UGT1A5: variants seen among roughly 807,000 people sequenced by gnomAD.
The protein encoded by UGT1A5 is UDP glucuronosyltransferase family 1 member A5.
In UGT1A5, 29 loss-of-function variants were observed where a neutral mutation model predicts 40.3. The ratio of observed to expected loss-of-function variants is 0.72; its 90% CI spans 0.54 to 0.98. UGT1A5 has a LOEUF of 0.98. Among genes scored for constraint, UGT1A5 ranks in the 50% least tolerant of loss-of-function variants. The pLI, the probability that UGT1A5 is intolerant of heterozygous loss-of-function variation, is 0.00. For missense variants in UGT1A5, 678 were observed against 677.9 expected (o/e 1.00, Z 0.00); for synonymous variants, 257 against 262.5 (o/e 0.98, Z 0.20).
chr2:233,755,285 A>G (rs1468695441), intron 1 of UGT1A5: 11 of 681,694 alleles, frequency 1.6e-5, no homozygotes, highest in Non-Finnish European at 2.3e-6. Context: ...ACTGCCAAAG[A>G]GCCTGCGGGG....
At chr2:233,748,157 C>A in intron 1 of UGT1A5, 2 of 1,600,820 alleles carry the variant, frequency 1.2e-6, no homozygotes, top group Non-Finnish European at 1.7e-6. Context: ...ACAATTGCTT[C>A]CATATCTACT....
At chr2:233,714,333 C>G (rs2076379859) in intron 1 of UGT1A5, among the ~76,000 whole-genome samples, 2 of 152,268 alleles carry the variant, frequency 1.3e-5, no homozygotes. Flanking sequence ...GAGACCTAAG[C>G]ACTCAGAGGA....
At chr2:233,730,677 T>C (rs1282265511) in intron 1 of UGT1A5, among the ~76,000 whole-genome samples, 2 of 152,094 alleles carry the variant, frequency 1.3e-5, no homozygotes, top group Non-Finnish European at 2.9e-5. Flanking sequence ...AAAGTAATGG[T>C]TGCATCTCAA....
rs376676972 is a variant in UGT1A5, at chr2:233,729,353, C to T, written c.867+15495C>T. On this transcript the variant is annotated intron_variant, in intron 1 of 4. Coordinates refer to ENST00000373414, the MANE Select transcript of UGT1A5 (RefSeq NM_019078.2). ...CACATCAAAGAAGAGAACTTTTTCACCCTGACAACCTATGCCATTTCGTGG... is the reference window on the plus strand; with the variant it reads ...CACATCAAAGAAGAGAACTTTTTCATCCTGACAACCTATGCCATTTCGTGG... 2.5e-5 allele frequency: 40 copies of T among 1,614,044 alleles called. No individual in the cohort carries two copies. The African/African-American group carries it at 5.1e-4, about 20-fold the overall frequency.
chr2:233,749,225 A>AT, intron 1 of UGT1A5, among the ~76,000 whole-genome samples: 1 of 151,926 alleles, frequency 6.6e-6, no homozygotes, highest in Non-Finnish European at 1.5e-5. Flanking sequence ...TCTAAGCTTC[A>AT]TTTTTTAAAA....
intron 1 of UGT1A5, among the ~76,000 whole-genome samples, chr2:233,727,543 C>T (rs1033335466): frequency 1.3e-5 from 2 of 152,154 alleles, no homozygotes; most frequent in Admixed American, 6.5e-5. Context: ...GTGTTCCACC[C>T]GTCACCTGGG....
chr2:233,719,519 T>A (rs757746269), intron 1 of UGT1A5: 1 of 1,613,814 alleles, frequency 6.2e-7, no homozygotes, highest in East Asian at 2.2e-5. Flanking sequence ...CTTATGCAAG[T>A]CTTGCCTCTG....
rs1697701353 is a variant in UGT1A5, at chr2:233,761,179, G to A, written c.868-5855G>A. ...GTGTATTGGAGTGGGACTTTTACAT[G>A]CGTATATTCTTTCAGATGTATTACT... On this transcript the variant is annotated intron_variant, in intron 1 of 4. Transcript: ENST00000373414. 3 of 1,614,024 alleles carry A rather than the reference G, an allele frequency of 1.9e-6. No individual in the cohort carries two copies. In the South Asian group the frequency reaches 3.3e-5, roughly 18 times the overall value.
At chr2:233,761,722 G>C (rs1220395060) in intron 1 of UGT1A5, among the ~76,000 whole-genome samples, 1 of 152,224 alleles carries the variant, frequency 6.6e-6, no homozygotes, top group African/African-American at 2.4e-5. Context: ...CAAGCTATTA[G>C]GTTTATTTTT....
At chr2:233,725,024 G>A (rs1241696904) in intron 1 of UGT1A5, among the ~76,000 whole-genome samples, 4 of 148,280 alleles carry the variant, frequency 2.7e-5, no homozygotes, top group Admixed American at 6.7e-5. Flanking sequence ...AGCAAAACCC[G>A]GTCTCCACCA....
rs190427553 is a variant in UGT1A5 at position 233,772,475 on chromosome 2, C to A, written c.1521C>A (p.Thr507=). 148 of 1,614,134 alleles carry A rather than the reference C, an allele frequency of 9.2e-5. No homozygotes were observed. Among genetic ancestry groups the A allele is most frequent in the Non-Finnish European group, 1.2e-4 (140 of 1,180,034 alleles). ...LAVVLTVAFI[T]FKCCAYGYRK... is the part of the protein sequence containing the mutation. ...TCGTGCTGACAGTGGCCTTCATCAC[C>A]TTTAAATGTTGTGCTTATGGCTACC... The change falls in exon 5 of 5, where the codon ACC becomes ACA. Residue 507 remains threonine, a synonymous_variant. Coordinates refer to ENST00000373414, the MANE Select transcript of UGT1A5 (RefSeq NM_019078.2).
intron 1 of UGT1A5, chr2:233,729,951 C>A (rs1214180861): frequency 6.2e-7 from 1 of 1,613,942 alleles, no homozygotes; most frequent in East Asian, 2.2e-5. Context: ...ACATGGTCTT[C>A]ATTGGGGGCA....
At chr2:233,756,340 T>C (rs1696187802) in intron 1 of UGT1A5, 1 of 152,248 alleles carries the variant, frequency 6.6e-6, no homozygotes, top group Non-Finnish European at 1.5e-5. Flanking sequence ...AGTCATCTCT[T>C]GATTACTTTT....
At chr2:233,751,369 A>G (rs1694708741) in intron 1 of UGT1A5, among the ~76,000 whole-genome samples, 1 of 152,104 alleles carries the variant, frequency 6.6e-6, no homozygotes, top group South Asian at 2.1e-4. Context: ...TCATGGGGGA[A>G]GGGACTTGCC....
chr2:233,772,386 G>A lies in UGT1A5; in HGVS notation c.1432G>A (p.Ala478Thr), dbSNP rs765612353. 2.0e-5 allele frequency: 33 copies of A among 1,614,110 alleles called. No homozygotes were observed. Among genetic ancestry groups the A allele is most frequent in the Middle Eastern group, 1.6e-4 (1 of 6,084 alleles). ...CAAGGGCGCGCCACACCTGCGCCCC[G>A]CAGCCCACGACCTCACCTGGTACCA... The part of the protein sequence containing the change: ...RHKGAPHLRP[A>T]AHDLTWYQYH... Residue 478 changes from alanine to threonine, a missense_variant, in exon 5 of 5, where the codon GCA becomes ACA. Coordinates refer to ENST00000373414, the MANE Select transcript of UGT1A5 (RefSeq NM_019078.2).
At chr2:233,741,922 TG>T (rs1282682556) in intron 1 of UGT1A5, 2 of 151,910 alleles carry the variant, frequency 1.3e-5, no homozygotes, top group Non-Finnish European at 2.9e-5. Flanking sequence ...GGTCTTCATT[TG>T]GGGCATAACC....
chr2:233,719,862 G>A (rs1026145959), intron 1 of UGT1A5, among the ~76,000 whole-genome samples: 4 of 152,186 alleles, frequency 2.6e-5, no homozygotes, highest in African/African-American at 9.7e-5. Flanking sequence ...AGTGGTCACT[G>A]AGAGGAAGAA....
chr2:233,752,937 C>A (rs1656534777), intron 1 of UGT1A5, among the ~76,000 whole-genome samples: 1 of 152,230 alleles, frequency 6.6e-6, no homozygotes, highest in African/African-American at 2.4e-5. Flanking sequence ...CCACTCTTTG[C>A]TGACCACTGA....
intron 3 of UGT1A5, 49 bp from the exon 4 acceptor site, chr2:233,768,166 AGCTGT>A: frequency 6.2e-7 from 1 of 1,613,684 alleles, no homozygotes; most frequent in South Asian, 1.1e-5. Flanking sequence ...AGATGTGTCC[AGCTGT>A]GAAACTCAGA....
Sources: allele counts gnomAD v4.1 joint callset (sites outside exome capture counted in the v4.1 genomes callset), GRCh38; gene constraint gnomAD v4.1.1; transcripts MANE v1.5; gene names NCBI Gene and HGNC (gene_info 2026-07-23, HGNC 2026-07-21).